SPECC1: variants seen among roughly 807,000 people sequenced by gnomAD.
SPECC1 encodes sperm antigen with calponin homology and coiled-coil domains 1.
Under a neutral mutation model 104.1 loss-of-function variants are expected in SPECC1, and 62 were observed. The ratio of observed to expected loss-of-function variants is 0.60; its 90% CI spans 0.49 to 0.74. The LOEUF is 0.74. SPECC1 is among the 30% of genes least tolerant of loss of function. The probability of loss-of-function intolerance (pLI) is 0.00; values close to 1 mark genes in which losing one functional copy is unlikely to be tolerated. For missense variants in SPECC1, 1,306 were observed against 1,310.5 expected, an observed-to-expected ratio of 1.00 and a Z score of 0.05; for synonymous variants, 513 against 501.6, an observed-to-expected ratio of 1.02 and a Z score of -0.30.
chr17:20,243,530 A>G (rs977271845), intron 7 of SPECC1, among the ~76,000 whole-genome samples: 3 of 152,176 alleles, frequency 2.0e-5, no homozygotes, highest in Non-Finnish European at 2.9e-5. Flanking sequence ...AATTCAGGCT[A>G]TGTTTTGTGA....
chr17:20,193,842 T>C (rs939920596), intron 3 of SPECC1, among the ~76,000 whole-genome samples: 3 of 152,232 alleles, frequency 2.0e-5, no homozygotes, highest in African/African-American at 7.2e-5. Flanking sequence ...TGCCCAGAAT[T>C]AGAATACTAA....
intron 12 of SPECC1, among the ~76,000 whole-genome samples, chr17:20,285,567 A>G (rs182912912): frequency 6.6e-6 from 1 of 152,318 alleles, no homozygotes; most frequent in African/African-American, 2.4e-5. Context: ...GGGAAAAGTT[A>G]ATTTGTAATT....
chr17:20,099,733 A>G (rs1307149811), intron 2 of SPECC1, among the ~76,000 whole-genome samples: 4 of 150,606 alleles, frequency 2.7e-5, no homozygotes, highest in Admixed American at 6.6e-5. Context: ...CACAAAATAT[A>G]TAAAATAAGG....
chr17:20,271,780 GT>G (rs1056852910), intron 12 of SPECC1, among the ~76,000 whole-genome samples: 6 of 134,130 alleles, frequency 4.5e-5, no homozygotes, highest in South Asian at 2.3e-4. Flanking sequence ...TTTTCCCTTT[GT>G]TTTTTTTTCC....
intron 1 of SPECC1, among the ~76,000 whole-genome samples, chr17:20,020,688 A>G (rs1416051554): frequency 6.6e-6 from 1 of 152,110 alleles, no homozygotes; most frequent in Non-Finnish European, 1.5e-5. Context: ...TTATATTCTC[A>G]TTCTTAGCCC....
At chr17:20,216,741 A>T (rs1301044749) in intron 4 of SPECC1, among the ~76,000 whole-genome samples, 2 of 152,208 alleles carry the variant, frequency 1.3e-5, no homozygotes, top group African/African-American at 4.8e-5. Context: ...CTCCATATCT[A>T]CAGAAAGTTG....
At position 20,204,768 on chromosome 17, in the gene SPECC1, T is replaced by G; in HGVS notation, c.719T>G (p.Leu240Arg). 1 of 1,614,088 alleles carries G rather than the reference T, an allele frequency of 6.2e-7. No homozygotes were observed. The highest frequency in any genetic ancestry group is 8.5e-7 in the Non-Finnish European group (1 of 1,180,026). ...AAGAACAAGAACTTTCAGAAAGAGC[T>G]TTCCGATCTAGAGGAAGAAAACCGG... ...EEKNKNFQKE[L>R]SDLEEENRVL... Residue 240 changes from leucine to arginine, a missense_variant, in exon 4 of 15, where the codon CTT (leucine) becomes CGT (arginine). By Grantham distance (102) the Leu-to-Arg change is moderately radical. Coordinates refer to ENST00000395527, the MANE Select transcript of SPECC1 (RefSeq NM_001243439.2).
At chr17:20,027,823 G>T (rs934154717) in intron 1 of SPECC1, among the ~76,000 whole-genome samples, 6 of 152,100 alleles carry the variant, frequency 3.9e-5, no homozygotes, top group African/African-American at 1.2e-4. Context: ...GTAGTATGAT[G>T]CCTCCAGCTT....
intron 1 of SPECC1, among the ~76,000 whole-genome samples, chr17:20,032,256 G>A (rs2044846085): frequency 6.6e-6 from 1 of 151,916 alleles, no homozygotes; most frequent in South Asian, 2.1e-4. Context: ...GGTTCTTTTT[G>A]TATTTATCCT....
At chr17:20,046,772 A>T (rs1027112032) in intron 1 of SPECC1, among the ~76,000 whole-genome samples, 1 of 151,526 alleles carries the variant, frequency 6.6e-6, no homozygotes, top group African/African-American at 2.4e-5. Context: ...GCCAAGACTC[A>T]AGGAGTCGCC....
At chr17:20,147,743 A>T (rs1406209737) in intron 3 of SPECC1, among the ~76,000 whole-genome samples, 1 of 152,236 alleles carries the variant, frequency 6.6e-6, no homozygotes, top group Non-Finnish European at 1.5e-5. Context: ...TGTATTATTT[A>T]AAAATGATAG....
chr17:20,073,526 C>T lies in SPECC1; in HGVS notation c.-21-23105C>T, dbSNP rs1197346376. 2.6e-5 allele frequency: 4 copies of T among 152,132 alleles called. No homozygotes were observed. The East Asian group carries it at 7.7e-4, about 29-fold the overall frequency. The allele number at this position is 152,132 out of a possible 1,614,324, so 9.4% of individuals were successfully genotyped here. On this transcript the variant is annotated intron_variant, in intron 1 of 14. Transcript: ENST00000395527. Reference sequence around the variant, plus strand: ...GAGAGACGGGGAGAGGCCATCAGAACTTGGGGAGAGCAGAGCCCGCCTGCT... The same window carrying T: ...GAGAGACGGGGAGAGGCCATCAGAATTTGGGGAGAGCAGAGCCCGCCTGCT...
In SPECC1 at chr17:20,093,315, G is replaced by A. The variant is rs569719736; in HGVS notation, c.-21-3316G>A. Reference sequence around the variant, plus strand: ...CCTCAGGCACTAATTACATTGATGAGGGCTCTGCCTCCCAGATGCCCTACC... The same window carrying A: ...CCTCAGGCACTAATTACATTGATGAAGGCTCTGCCTCCCAGATGCCCTACC... On this transcript the variant is annotated intron_variant, in intron 1 of 14. Coordinates refer to ENST00000395527, the MANE Select transcript of SPECC1 (RefSeq NM_001243439.2). Among the ~76,000 whole-genome samples, 266 of 152,300 alleles carry A rather than the reference G, an allele frequency of 1.7e-3. 1 individual carries two copies. The highest frequency in any genetic ancestry group is 6.2e-3 in the African/African-American group (259 of 41,570).
rs2039106266 is a variant in SPECC1 at position 20,239,745 on chromosome 17, C to T, written c.2352-6181C>T. On this transcript the variant is annotated intron_variant, in intron 7 of 14. Coordinates refer to ENST00000395527, the MANE Select transcript of SPECC1 (RefSeq NM_001243439.2). ...ATGTCTCCAATTACTCACCTGAGTGCTGTGACATTTCACTCTTGAACATGC... is the reference window on the plus strand; with the variant it reads ...ATGTCTCCAATTACTCACCTGAGTGTTGTGACATTTCACTCTTGAACATGC... 2.0e-5 allele frequency among the ~76,000 whole-genome samples: 3 copies of T among 152,148 alleles called. No individual in the cohort carries two copies. The East Asian group carries it at 5.8e-4, about 29-fold the overall frequency.
chr17:20,057,103 C>T (rs1034889925), intron 1 of SPECC1, among the ~76,000 whole-genome samples: 2 of 152,144 alleles, frequency 1.3e-5, no homozygotes, highest in African/African-American at 4.8e-5. Context: ...AGGCCACTTT[C>T]AGCATTCTTT....
chr17:20,297,306 C>T (rs367989181), intron 13 of SPECC1, among the ~76,000 whole-genome samples: 4 of 152,196 alleles, frequency 2.6e-5, no homozygotes, highest in African/African-American at 9.7e-5. Flanking sequence ...AGACCTTGGC[C>T]AGCATTTTTC....
chr17:20,077,485 G>C (rs2046805531), intron 1 of SPECC1, among the ~76,000 whole-genome samples: 1 of 150,362 alleles, frequency 6.7e-6, no homozygotes, highest in Non-Finnish European at 1.5e-5. Context: ...TTTTGTTTTT[G>C]AGATGGAGTT....
At chr17:20,077,114 C>T (rs2046790364) in intron 1 of SPECC1, among the ~76,000 whole-genome samples, 1 of 152,130 alleles carries the variant, frequency 6.6e-6, no homozygotes, top group Non-Finnish European at 1.5e-5. Flanking sequence ...TTTTAAAAAA[C>T]ATGCAGTCAT....
intron 1 of SPECC1, 23 bp from the exon 2 acceptor site, chr17:20,096,608 T>A: frequency 1.3e-6 from 2 of 1,581,434 alleles, no homozygotes; most frequent in South Asian, 2.3e-5. Flanking sequence ...GGAGACATGT[T>A]TTTCTTTTCT....
Sources: gnomAD v4.1 joint callset for allele counts (sites outside exome capture counted in the v4.1 genomes callset) on GRCh38, gnomAD v4.1.1 for gene constraint, MANE v1.5 for transcripts, NCBI Gene and HGNC (gene_info 2026-07-23, HGNC 2026-07-21) for gene names.